The following CADPS variants were observed in gnomAD, a reference collection of about 807,000 sequenced individuals.
The protein encoded by CADPS is calcium dependent secretion activator.
A neutral mutation model predicts 167.3 loss-of-function variants in CADPS; 57 were observed. That is an observed-to-expected ratio of 0.34 (90% CI 0.28 to 0.42). CADPS has a LOEUF of 0.42. Ranked by LOEUF, CADPS falls within the 20% of genes least tolerant of loss-of-function variation. CADPS has a pLI of 1.00. For missense variants in CADPS, 1,414 were observed against 1,738.1 expected (o/e 0.81, Z 3.32); for synonymous variants, 676 against 635.3 (o/e 1.06, Z -0.96).
rs566309130 is a variant in CADPS at position 62,632,751 on chromosome 3, T to C, written c.1325+12971A>G. Among the ~76,000 whole-genome samples the C allele has an allele frequency of 3.3e-5, 5 of 152,018 alleles. No individual in the cohort carries two copies. In the South Asian group the frequency reaches 1.0e-3, roughly 32 times the overall value. On this transcript the variant is annotated intron_variant, in intron 6 of 29. Transcript: ENST00000383710. ...CTTATAAACCAAGCAGGAAATGAAA[T>C]CTAGAAGGGGAAGGGAATGCGTTTA...
At chr3:62,441,814 T>C (rs2149839187) in intron 27 of CADPS, among the ~76,000 whole-genome samples, 1 of 152,320 alleles carries the variant, frequency 6.6e-6, no homozygotes, top group Admixed American at 6.5e-5. Flanking sequence ...GCTGTTTCAA[T>C]TTTGTCTGGC....
Position 62,413,315 on chromosome 3 carries a change from G to T in CADPS, c.3778-10130C>A, listed in dbSNP as rs78789668. On this transcript the variant is annotated intron_variant, in intron 28 of 29. Transcript: ENST00000383710. ...TGAAAGTAGGATCTAGAAGAGATAC[G>T]CCCACATTGATGTTCATAGCAGCTT... is the stretch of plus-strand genomic sequence containing the variant. Among the ~76,000 whole-genome samples, 936 of 152,130 alleles carry T rather than the reference G, an allele frequency of 6.2e-3. 30 individuals are homozygous for T. Among genetic ancestry groups the T allele is most frequent in the Admixed American group, 0.044 (672 of 15,272 alleles).
chr3:62,835,535 T>G (rs2075771955), intron 1 of CADPS, among the ~76,000 whole-genome samples: 1 of 152,196 alleles, frequency 6.6e-6, no homozygotes, highest in Admixed American at 6.6e-5. Context: ...CCTTGTAAAT[T>G]AAACATCAGT....
intron 6 of CADPS, among the ~76,000 whole-genome samples, chr3:62,643,054 G>A (rs1417184128): frequency 1.3e-5 from 2 of 152,150 alleles, no homozygotes; most frequent in East Asian, 3.9e-4. Flanking sequence ...GTTAAAAAGA[G>A]TATTGAGTAC....
At chr3:62,547,177 G>A (rs2076579141) in intron 11 of CADPS, among the ~76,000 whole-genome samples, 1 of 152,176 alleles carries the variant, frequency 6.6e-6, no homozygotes, top group African/African-American at 2.4e-5. Context: ...TTGAAGCTCT[G>A]TTGCAGGGAT....
chr3:62,427,948 T>C (rs2053099830), intron 28 of CADPS, among the ~76,000 whole-genome samples: 1 of 152,242 alleles, frequency 6.6e-6, no homozygotes, highest in Non-Finnish European at 1.5e-5. Context: ...TAATTAATAA[T>C]ACTCCCATCC....
At chr3:62,428,679 G>A (rs1302515077) in intron 28 of CADPS, among the ~76,000 whole-genome samples, 1 of 152,158 alleles carries the variant, frequency 6.6e-6, no homozygotes, top group Non-Finnish European at 1.5e-5. Context: ...TGTGATGATG[G>A]CAGTGGCAGG....
chr3:62,608,633 G>A (rs533893128), intron 6 of CADPS, among the ~76,000 whole-genome samples: 8 of 152,204 alleles, frequency 5.3e-5, no homozygotes, highest in Admixed American at 2.0e-4. Context: ...TTTAAAAGAC[G>A]TATAATTAAA....
chr3:62,653,914 G>A (rs1167404930), intron 4 of CADPS, among the ~76,000 whole-genome samples: 2 of 152,146 alleles, frequency 1.3e-5, no homozygotes, highest in African/African-American at 4.8e-5. Context: ...AGCTCACTGT[G>A]TGGTGCTTTC....
At chr3:62,781,162 C>G (rs2091501074) in intron 1 of CADPS, among the ~76,000 whole-genome samples, 1 of 152,104 alleles carries the variant, frequency 6.6e-6, no homozygotes, top group Non-Finnish European at 1.5e-5. Context: ...CTGCTATATT[C>G]ACATAAAACA....
At chr3:62,427,712 C>A (rs995365881) in intron 28 of CADPS, among the ~76,000 whole-genome samples, 1 of 152,146 alleles carries the variant, frequency 6.6e-6, no homozygotes, top group Non-Finnish European at 1.5e-5. Context: ...TGAGTCTTTT[C>A]TCTTTAACAG....
intron 14 of CADPS, among the ~76,000 whole-genome samples, chr3:62,517,631 T>C (rs1447812754): frequency 6.6e-6 from 1 of 152,070 alleles, no homozygotes; most frequent in Non-Finnish European, 1.5e-5. Flanking sequence ...AAGGGAGAAG[T>C]GGGCTATGTG....
chr3:62,439,420 G>A (rs1015177891), intron 27 of CADPS: 8 of 152,150 alleles, frequency 5.3e-5, no homozygotes, highest in Admixed American at 6.5e-5. Context: ...CAATGACAAG[G>A]TATTAATTTG....
At chr3:62,829,220 A>T (rs1559817281) in intron 1 of CADPS, among the ~76,000 whole-genome samples, 2 of 152,158 alleles carry the variant, frequency 1.3e-5, no homozygotes, top group Non-Finnish European at 2.9e-5. Flanking sequence ...TCAACCAACC[A>T]TGGATCAAAA....
chr3:62,590,942 C>T (rs1257839295), intron 7 of CADPS, among the ~76,000 whole-genome samples: 4 of 152,226 alleles, frequency 2.6e-5, no homozygotes, highest in Admixed American at 6.5e-5. Flanking sequence ...GCAACTTCTG[C>T]CTCCCGGGTT....
intron 17 of CADPS, among the ~76,000 whole-genome samples, chr3:62,508,650 T>C (rs943285588): frequency 6.6e-6 from 1 of 152,222 alleles, no homozygotes; most frequent in African/African-American, 2.4e-5. Flanking sequence ...TTATAATTGA[T>C]GGCCCTTTAG....
intron 3 of CADPS, among the ~76,000 whole-genome samples, chr3:62,737,636 G>T (rs13100557): frequency 0.08 from 12,209 of 152,218 alleles, 622 homozygotes; most frequent in Non-Finnish European, 0.11. Flanking sequence ...AAGCTCTGAG[G>T]TATGGCCTAA....
intron 3 of CADPS, among the ~76,000 whole-genome samples, chr3:62,709,592 C>T (rs371717346): frequency 6.6e-5 from 10 of 152,084 alleles, no homozygotes; most frequent in African/African-American, 2.4e-4. Context: ...TAGGCATATG[C>T]CCGACCTAGC....
At chr3:62,588,907 T>A (rs1014156174) in intron 7 of CADPS, among the ~76,000 whole-genome samples, 1 of 152,196 alleles carries the variant, frequency 6.6e-6, no homozygotes. Context: ...TATATACATA[T>A]GTGCTTATAT....
Sources: gnomAD v4.1 joint callset for allele counts (sites outside exome capture counted in the v4.1 genomes callset) on GRCh38, gnomAD v4.1.1 for gene constraint, MANE v1.5 for transcripts, NCBI Gene and HGNC (gene_info 2026-07-23, HGNC 2026-07-21) for gene names.